Variants in PIK3AP1 observed in about 807,000 individuals in gnomAD.
PIK3AP1 encodes the protein phosphoinositide 3-kinase adapter protein 1.
Under a neutral mutation model 88.1 loss-of-function variants are expected in PIK3AP1, and 21 were observed. The observed-to-expected ratio is 0.24, with a 90% CI of 0.17 to 0.34. The LOEUF (loss-of-function observed/expected upper bound fraction) is 0.34. Ranked by LOEUF, PIK3AP1 falls within the 10% of genes least tolerant of loss-of-function variation. PIK3AP1 has a pLI of 1.00. For synonymous variants in PIK3AP1, 398 were observed against 400.0 expected (o/e 1.00, Z 0.06); for missense variants, 828 against 1,035.7 (o/e 0.80, Z 2.75).
rs79392360 is a variant in PIK3AP1 at position 96,668,655 on chromosome 10, C to T, written c.431-11721G>A. Among the ~76,000 whole-genome samples, 668 of 152,128 alleles carry T rather than the reference C, an allele frequency of 4.4e-3. 2 individuals carry two copies. The highest frequency in any genetic ancestry group is 8.4e-3 in the African/African-American group (349 of 41,478). Reference sequence around the variant, plus strand: ...GAACCTGTGTGTCTCTGTGCTGGGACAAAGTAGGGGGGTATCGTGGTTCAT... The same window carrying T: ...GAACCTGTGTGTCTCTGTGCTGGGATAAAGTAGGGGGGTATCGTGGTTCAT... On this transcript the variant is annotated intron_variant, in intron 2 of 16. Transcript: ENST00000339364.
chr10:96,639,770 G>A (rs955722150), intron 8 of PIK3AP1, among the ~76,000 whole-genome samples: 1 of 152,258 alleles, frequency 6.6e-6, no homozygotes, highest in Non-Finnish European at 1.5e-5. Context: ...GAGGATGACA[G>A]AGCCTCAGCA....
intron 11 of PIK3AP1, 123 bp downstream of exon 11, chr10:96,623,349 C>T (rs894533247): frequency 3.1e-5 from 30 of 957,266 alleles, no homozygotes; most frequent in African/African-American, 9.9e-5. Flanking sequence ...AGGCGTGAGC[C>T]ATGATGCCTG....
intron 2 of PIK3AP1, among the ~76,000 whole-genome samples, chr10:96,682,904 A>G (rs1195378734): frequency 6.6e-6 from 1 of 152,212 alleles, no homozygotes; most frequent in Non-Finnish European, 1.5e-5. Flanking sequence ...ATCTATTTTG[A>G]AAAAACTACA....
chr10:96,640,550 G>A (rs1346064872), intron 8 of PIK3AP1, among the ~76,000 whole-genome samples: 1 of 152,194 alleles, frequency 6.6e-6, no homozygotes, highest in East Asian at 1.9e-4. Context: ...AACACCCACG[G>A]ACATTTGCCT....
chr10:96,695,940 T>C (rs142095378), intron 2 of PIK3AP1, among the ~76,000 whole-genome samples: 420 of 152,272 alleles, frequency 2.8e-3, no homozygotes, highest in African/African-American at 9.4e-3. Context: ...AGGCTCCTGT[T>C]TGAACTTGAA....
chr10:96,622,324 T>C (rs573730824), intron 11 of PIK3AP1, among the ~76,000 whole-genome samples: 1 of 152,316 alleles, frequency 6.6e-6, no homozygotes, highest in Admixed American at 6.5e-5. Flanking sequence ...GTGACTTCAG[T>C]TCTGTGGGGA....
chr10:96,637,848 C>T (rs1410433096), intron 8 of PIK3AP1, among the ~76,000 whole-genome samples: 1 of 152,148 alleles, frequency 6.6e-6, no homozygotes, highest in Non-Finnish European at 1.5e-5. Flanking sequence ...CATACACTGC[C>T]ATACACTCTT....
chr10:96,713,187 C>T (rs991439317), intron 1 of PIK3AP1, among the ~76,000 whole-genome samples: 1 of 151,984 alleles, frequency 6.6e-6, no homozygotes, highest in Admixed American at 6.6e-5. Context: ...CATGGTGAAA[C>T]CCCGTCTCTA....
At chr10:96,671,644 A>C (rs1843848604) in intron 2 of PIK3AP1, among the ~76,000 whole-genome samples, 1 of 152,084 alleles carries the variant, frequency 6.6e-6, no homozygotes, top group Non-Finnish European at 1.5e-5. Context: ...AATTAAAGTG[A>C]CATCAATCAT....
chr10:96,698,708 G>A (rs1437924457), intron 2 of PIK3AP1, among the ~76,000 whole-genome samples: 1 of 151,996 alleles, frequency 6.6e-6, no homozygotes, highest in Non-Finnish European at 1.5e-5. Context: ...ACTCCAGCTT[G>A]GGTGACAGAG....
At chr10:96,630,279 G>A (rs1242359654) in intron 8 of PIK3AP1, among the ~76,000 whole-genome samples, 3 of 152,118 alleles carry the variant, frequency 2.0e-5, no homozygotes, top group African/African-American at 2.4e-5. Context: ...AGGGCACTAC[G>A]ATTCCAAATG....
In PIK3AP1 at chr10:96,652,759, A is replaced by C; in HGVS notation, c.651T>G (p.Ser217=). The C allele has an allele frequency of 6.2e-7, 1 of 1,614,152 alleles. No homozygotes were observed. Among genetic ancestry groups the C allele is most frequent in the Non-Finnish European group, 8.5e-7 (1 of 1,180,010 alleles). Reference sequence around the variant, plus strand: ...CCTTGGCTTCCATCCTTACAGAGGGAGAATCCTCAGGAGAAAACTCTGCTT... The same window carrying C: ...CCTTGGCTTCCATCCTTACAGAGGGCGAATCCTCAGGAGAAAACTCTGCTT... ...ATEAEFSPED[S]PSVRMEAKVE... The change falls in exon 4 of 17, where the codon TCT becomes TCG. Residue 217 remains serine, a synonymous_variant. Coordinates refer to ENST00000339364, the MANE Select transcript of PIK3AP1 (RefSeq NM_152309.3).
At chr10:96,609,607 C>T in intron 14 of PIK3AP1, 105 bp downstream of exon 14, 1 of 1,339,922 alleles carries the variant, frequency 7.5e-7, no homozygotes, top group Non-Finnish European at 1.0e-6. Flanking sequence ...AAACCAGGCC[C>T]CACTGGAGAT....
At chr10:96,652,660 G>T in intron 4 of PIK3AP1, 38 bp downstream of exon 4, 1 of 1,606,558 alleles carries the variant, frequency 6.2e-7, no homozygotes, top group Non-Finnish European at 8.5e-7. Context: ...AATAAGCAAT[G>T]AAGCCCTATG....
intron 10 of PIK3AP1, among the ~76,000 whole-genome samples, chr10:96,623,975 C>G (rs1207989175): frequency 6.6e-6 from 1 of 152,148 alleles, no homozygotes; most frequent in Admixed American, 6.5e-5. Flanking sequence ...AAGTCACTTA[C>G]GAGGGACAGA....
At chr10:96,696,147 A>G (rs1414210913) in intron 2 of PIK3AP1, among the ~76,000 whole-genome samples, 6 of 152,220 alleles carry the variant, frequency 3.9e-5, no homozygotes, top group Admixed American at 3.3e-4. Context: ...TCACTCCTCC[A>G]GTCATCCATC....
At chr10:96,611,717 C>G (rs1849113076) in intron 13 of PIK3AP1, among the ~76,000 whole-genome samples, 1 of 152,174 alleles carries the variant, frequency 6.6e-6, no homozygotes, top group Non-Finnish European at 1.5e-5. Flanking sequence ...ATCCACCCAT[C>G]TCAGCCTCCC....
chr10:96,606,143 T>A (rs1188843568), intron 14 of PIK3AP1, among the ~76,000 whole-genome samples: 1 of 152,148 alleles, frequency 6.6e-6, no homozygotes, highest in East Asian at 1.9e-4. Context: ...TCGTTACCCA[T>A]ACACAACACT....
chr10:96,611,820 GCAATTTT>G (rs1849114913), intron 13 of PIK3AP1, among the ~76,000 whole-genome samples: 1 of 152,048 alleles, frequency 6.6e-6, no homozygotes, highest in African/African-American at 2.4e-5. Flanking sequence ...CTTCGAGGAG[GCAATTTT>G]TTAACCTCAA....
Sources: allele counts gnomAD v4.1 joint callset (sites outside exome capture counted in the v4.1 genomes callset), GRCh38; gene constraint gnomAD v4.1.1; transcripts MANE v1.5; gene names NCBI Gene and HGNC (gene_info 2026-07-23, HGNC 2026-07-21).